The following THRB variants were observed in gnomAD, a reference collection of about 807,000 sequenced individuals.
THRB encodes nuclear receptor subfamily 1 group A member 2.
Under a neutral mutation model 47.8 loss-of-function variants are expected in THRB, and 12 were observed. The observed-to-expected ratio is 0.25, with a 90% CI of 0.16 to 0.41. THRB has a LOEUF of 0.41. Among genes scored for constraint, THRB ranks in the 10% least tolerant of loss-of-function variants. THRB has a pLI of 1.00. For missense variants in THRB, 348 were observed against 589.2 expected (o/e 0.59, Z 4.24); for synonymous variants, 218 against 212.2 (o/e 1.03, Z -0.24).
At chr3:24,136,049 C>T (rs1187789168) in intron 8 of THRB, among the ~76,000 whole-genome samples, 2 of 151,566 alleles carry the variant, frequency 1.3e-5, no homozygotes, top group African/African-American at 4.8e-5. Flanking sequence ...TGGGTTAATA[C>T]TGATGTTAAT....
chr3:24,118,108 T>G lies in THRB; in HGVS notation c.*4776A>C, dbSNP rs756650956. ...TGTTTATTTATGAAATAAATGTCCT[T>G]ACATCCGTGGTTCCGTCTTTTGGCA... is the stretch of plus-strand genomic sequence containing the variant. On this transcript the variant is annotated 3_prime_UTR_variant, in exon 11 of 11. Transcript: ENST00000646209. 3 of 152,614 alleles carry G rather than the reference T, an allele frequency of 2.0e-5. No homozygotes were observed. The highest frequency in any genetic ancestry group is 4.4e-5 in the Non-Finnish European group (3 of 68,050). 9.5% of individuals were successfully genotyped at this position (152,614 alleles called of 1,614,324 possible).
intron 1 of THRB, among the ~76,000 whole-genome samples, chr3:24,368,413 A>G (rs1010994539): frequency 1.3e-5 from 2 of 152,180 alleles, no homozygotes; most frequent in Non-Finnish European, 2.9e-5. Context: ...ACAATGTACC[A>G]TTAATAAGAC....
intron 5 of THRB, among the ~76,000 whole-genome samples, chr3:24,179,364 G>A (rs2041602619): frequency 6.6e-6 from 1 of 152,200 alleles, no homozygotes; most frequent in African/African-American, 2.4e-5. Context: ...AAAAGGGCAT[G>A]ATGTTTATAA....
In THRB at chr3:24,265,051, A is replaced by C. The variant is rs141165162; in HGVS notation, c.-43+32175T>G. On this transcript the variant is annotated intron_variant, in intron 3 of 10. Coordinates refer to ENST00000646209, the MANE Select transcript of THRB (RefSeq NM_001354712.2). The stretch of plus-strand genomic sequence containing the variant: ...GAGGGGAAAGTTAATGGGAACATTA[A>C]CTGAGTGGAGAACTGACCTTTGGAT... Among the ~76,000 whole-genome samples the C allele has an allele frequency of 6.3e-3, 953 of 152,320 alleles. 9 individuals carry two copies. Among genetic ancestry groups the C allele is most frequent in the African/African-American group, 0.022 (909 of 41,558 alleles).
At chr3:24,242,715 CT>C (rs1409586782) in intron 3 of THRB, among the ~76,000 whole-genome samples, 2 of 152,088 alleles carry the variant, frequency 1.3e-5, no homozygotes, top group Non-Finnish European at 2.9e-5. Flanking sequence ...CTCTTCTGCC[CT>C]AATATATTAC....
At chr3:24,429,536 G>C (rs1286832881) in intron 1 of THRB, among the ~76,000 whole-genome samples, 1 of 152,010 alleles carries the variant, frequency 6.6e-6, no homozygotes, top group Non-Finnish European at 1.5e-5. Context: ...ATTGAGCTCT[G>C]TCCTGTCAAA....
intron 1 of THRB, among the ~76,000 whole-genome samples, chr3:24,454,975 T>C (rs981593486): frequency 2.0e-5 from 3 of 152,178 alleles, no homozygotes; most frequent in Non-Finnish European, 4.4e-5. Flanking sequence ...CAAAATATCT[T>C]CTTGACCAAA....
At chr3:24,237,784 C>T (rs1222211926) in intron 3 of THRB, among the ~76,000 whole-genome samples, 2 of 152,100 alleles carry the variant, frequency 1.3e-5, no homozygotes, top group Non-Finnish European at 2.9e-5. Context: ...GAGTAAAATC[C>T]GATTCCTGTG....
At chr3:24,166,605 G>A (rs1184757619) in intron 5 of THRB, among the ~76,000 whole-genome samples, 1 of 152,132 alleles carries the variant, frequency 6.6e-6, no homozygotes, top group East Asian at 1.9e-4. Flanking sequence ...TGGCCAGTGT[G>A]TGCATGTCAC....
intron 4 of THRB, among the ~76,000 whole-genome samples, chr3:24,220,352 G>A (rs769614878): frequency 3.9e-5 from 6 of 152,128 alleles, no homozygotes; most frequent in Non-Finnish European, 7.4e-5. Flanking sequence ...TTAGCTAGGT[G>A]TGGTGGTGAG....
At chr3:24,182,523 C>T (rs1173124272) in intron 5 of THRB, among the ~76,000 whole-genome samples, 1 of 152,182 alleles carries the variant, frequency 6.6e-6, no homozygotes, top group African/African-American at 2.4e-5. Flanking sequence ...TCAATCCTGC[C>T]AGCCACAATA....
chr3:24,208,084 C>A (rs773407797), intron 4 of THRB, among the ~76,000 whole-genome samples: 3 of 152,138 alleles, frequency 2.0e-5, no homozygotes, highest in African/African-American at 2.4e-5. Flanking sequence ...CATGAGTGAA[C>A]CTTAATTCAC....
intron 1 of THRB, among the ~76,000 whole-genome samples, chr3:24,345,495 G>T (rs1010163544): frequency 5.3e-5 from 8 of 152,012 alleles, no homozygotes; most frequent in African/African-American, 1.9e-4. Flanking sequence ...GACACTTTAG[G>T]CATGCAGAGT....
chr3:24,183,752 G>A (rs1028766309), intron 5 of THRB, among the ~76,000 whole-genome samples: 12 of 148,708 alleles, frequency 8.1e-5, no homozygotes, highest in Admixed American at 2.0e-4. Flanking sequence ...CTGAAAGCTA[G>A]ATATTATTCC....
chr3:24,477,191 T>C (rs1200115741), intron 1 of THRB, among the ~76,000 whole-genome samples: 1 of 152,092 alleles, frequency 6.6e-6, no homozygotes, highest in East Asian at 1.9e-4. Flanking sequence ...TATTTTAGTC[T>C]GTTTACTTAA....
intron 1 of THRB, chr3:24,494,062 G>GC (rs1446979423): frequency 1.3e-5 from 2 of 152,958 alleles, no homozygotes; most frequent in Non-Finnish European, 2.9e-5. Context: ...TCCCCGCCAA[G>GC]CCCCCAGGAG....
intron 4 of THRB, among the ~76,000 whole-genome samples, chr3:24,215,348 C>T (rs983429481): frequency 1.3e-5 from 2 of 152,218 alleles, no homozygotes; most frequent in African/African-American, 4.8e-5. Context: ...GCTTACGCAA[C>T]TTGCTCCAAG....
chr3:24,281,329 G>A (rs2054577435), intron 3 of THRB, among the ~76,000 whole-genome samples: 1 of 150,716 alleles, frequency 6.6e-6, no homozygotes, highest in Admixed American at 6.6e-5. Flanking sequence ...TTCATATCCA[G>A]CCAAACTAAG....
chr3:24,336,322 G>C (rs951891804), intron 2 of THRB, among the ~76,000 whole-genome samples: 2 of 152,148 alleles, frequency 1.3e-5, no homozygotes, highest in African/African-American at 4.8e-5. Context: ...AGAGGCCATG[G>C]GCAAGAGGAG....
Sources: allele counts gnomAD v4.1 joint callset (sites outside exome capture counted in the v4.1 genomes callset), GRCh38; gene constraint gnomAD v4.1.1; transcripts MANE v1.5; gene names NCBI Gene and HGNC (gene_info 2026-07-23, HGNC 2026-07-21).